The following TGFB1 variants were observed in gnomAD, a reference collection of about 807,000 sequenced individuals.
TGFB1 encodes the protein transforming growth factor beta 1.
In TGFB1, 19 loss-of-function variants were observed where a neutral mutation model predicts 43.8. The ratio of observed to expected loss-of-function variants is 0.43; its 90% confidence interval spans 0.30 to 0.64. TGFB1 has a LOEUF of 0.64. TGFB1 is among the 30% of genes least tolerant of loss of function. TGFB1 has a pLI of 0.11. For synonymous variants in TGFB1, 221 were observed against 236.3 expected (o/e 0.94, Z 0.60); for missense variants, 445 against 529.8 (o/e 0.84, Z 1.57).
intron 5 of TGFB1, among the ~76,000 whole-genome samples, chr19:41,334,424 C>CTTT (rs750640294): frequency 1.1e-4 from 13 of 116,976 alleles, no homozygotes; most frequent in African/African-American, 1.7e-4. Flanking sequence ...TTGACAATGC[C>CTTT]TTTTTTTTTT....
In TGFB1 at chr19:41,332,269, C is replaced by G; in HGVS notation, c.873G>C (p.Lys291Asn). The change falls in exon 6 of 7, where the codon AAG (lysine) becomes AAC (asparagine). Residue 291 changes from lysine to asparagine, a missense_variant. By Grantham distance (94) the Lys-to-Asn change is moderately conservative. This residue lies in a region of TGFB1 where 366 missense variants were observed against 428.8 expected (regional missense o/e 0.85). Coordinates refer to ENST00000221930, the MANE Select transcript of TGFB1 (RefSeq NM_000660.7). Reference protein sequence around the residue: ...DTNYCFSSTEKNCCVRQLYID... With the variant: ...DTNYCFSSTENNCCVRQLYID... ...TGTACAGCTGCCGCACGCAGCAGTT[C>G]TTCTCCGTGGAGCTGCAGGCAGGAG... 1 of 1,613,948 alleles carries G rather than the reference C, an allele frequency of 6.2e-7. No homozygotes were observed. Among genetic ancestry groups the G allele is most frequent in the South Asian group, 1.1e-5 (1 of 91,064 alleles).
chr19:41,339,493 A>G (rs1003400700), intron 5 of TGFB1, among the ~76,000 whole-genome samples: 6 of 151,572 alleles, frequency 4.0e-5, no homozygotes, highest in Non-Finnish European at 7.4e-5. Context: ...ATGGCTGGCT[A>G]TCTCCCTTTG....
intron 5 of TGFB1, among the ~76,000 whole-genome samples, 164 bp from the exon 6 acceptor site, chr19:41,332,445 T>C (rs551415496): frequency 6.6e-6 from 1 of 152,308 alleles, no homozygotes; most frequent in South Asian, 2.1e-4. Context: ...CAAATAGTCA[T>C]GATAATCACT....
Position 41,332,214 on chromosome 19 carries a change from A to T in TGFB1, c.928T>A (p.Trp310Arg). 6.2e-7 allele frequency: 1 copy of T among 1,613,980 alleles called. No individual in the cohort carries two copies. Among genetic ancestry groups the T allele is most frequent in the African/African-American group, 1.3e-5 (1 of 74,964 alleles). Reference sequence around the variant, plus strand: ...TGGTAGCCCTTGGGCTCGTGGATCCACTTCCAGCCGAGGTCCTTGCGGAAG... The same window carrying T: ...TGGTAGCCCTTGGGCTCGTGGATCCTCTTCCAGCCGAGGTCCTTGCGGAAG... ...IDFRKDLGWK[W>R]IHEPKGYHAN... Residue 310 changes from tryptophan to arginine, a missense_variant, in exon 6 of 7, where the codon TGG becomes AGG. By Grantham distance (101) the Trp-to-Arg change is moderately radical. This residue lies in a region of TGFB1 where 366 missense variants were observed against 428.8 expected (regional missense o/e 0.85). Transcript: ENST00000221930.
Position 41,331,218 on chromosome 19 carries a change from C to A in TGFB1, c.1015-8G>T. The A allele has an allele frequency of 6.6e-7, 1 of 1,508,234 alleles. No individual in the cohort carries two copies. Among genetic ancestry groups the A allele is most frequent in the Non-Finnish European group, 8.9e-7 (1 of 1,128,286 alleles). The allele number at this position is 1,508,234 out of a possible 1,614,324, so 93.4% of individuals were successfully genotyped here. A position where few individuals can be genotyped will look rare whatever the true frequency, so the allele number is the denominator to read the frequency against. On this transcript the variant is annotated splice_region_variant and splice_polypyrimidine_tract_variant and intron_variant, in intron 6 of 6. Coordinates refer to ENST00000221930, the MANE Select transcript of TGFB1 (RefSeq NM_000660.7). Reference sequence around the variant, plus strand: ...GTTGTACAGGGCCAGGACCTGCGGGCGGCGGGCGGGGTCAGGGCTCAGGGC... The same window carrying A: ...GTTGTACAGGGCCAGGACCTGCGGGAGGCGGGCGGGGTCAGGGCTCAGGGC...
In TGFB1 at chr19:41,331,161, C is replaced by A; in HGVS notation, c.1064G>T (p.Cys355Phe). The stretch of plus-strand genomic sequence containing the variant: ...CGGCTCCAGCGCCTGCGGCACGCAG[C>A]ACGGCGCCGCCGAGGCGCCCGGGTT... ...QHNPGASAAP[C>F]CVPQALEPLP... The change falls in exon 7 of 7, where the codon TGC becomes TTC. Residue 355 changes from cysteine (C) to phenylalanine (F), a missense_variant. By Grantham distance (205) the Cys-to-Phe change is radical (BLOSUM62 -2). Around this residue, in one of 3 missense-constraint regions of TGFB1, gnomAD observed 23 missense variants for 54.1 expected, o/e 0.42. Transcript: ENST00000221930. 6.4e-7 allele frequency: 1 copy of A among 1,559,722 alleles called. No homozygotes were observed. The highest frequency in any genetic ancestry group is 8.7e-7 in the Non-Finnish European group (1 of 1,154,618).
chr19:41,341,118 T>C (rs1225360508), intron 5 of TGFB1, among the ~76,000 whole-genome samples: 1 of 149,406 alleles, frequency 6.7e-6, no homozygotes, highest in African/African-American at 2.5e-5. Context: ...GATCACGAGG[T>C]CAGGAGATCA....
chr19:41,335,162 C>T (rs998964625), intron 5 of TGFB1, among the ~76,000 whole-genome samples: 2 of 151,766 alleles, frequency 1.3e-5, no homozygotes, highest in Non-Finnish European at 2.9e-5. Flanking sequence ...AAGCAATTCT[C>T]CTGCCTCAGC....
chr19:41,349,300 G>A (rs190309980), intron 1 of TGFB1, among the ~76,000 whole-genome samples: 4 of 152,294 alleles, frequency 2.6e-5, no homozygotes, highest in East Asian at 1.9e-4. Flanking sequence ...TAATTTAAGC[G>A]CTGTGTAACC....
At chr19:41,344,984 C>T (rs2038099920) in intron 2 of TGFB1, 120 bp from the exon 3 acceptor site, 1 of 920,492 alleles carries the variant, frequency 1.1e-6, no homozygotes, top group Admixed American at 2.0e-5. Flanking sequence ...AGTTCCCAGG[C>T]ACTACCCTCT....
At chr19:41,341,454 G>T (rs1424089744) in intron 5 of TGFB1, among the ~76,000 whole-genome samples, 7 of 101,586 alleles carry the variant, frequency 6.9e-5, no homozygotes, top group Admixed American at 1.5e-4. Flanking sequence ...GTGACAGAGC[G>T]AGACTCTGTC....
At position 41,347,827 on chromosome 19, in the gene TGFB1, C is replaced by CA. The variant is rs58257608; in HGVS notation, c.516+467dup. On this transcript the variant is annotated intron_variant, in intron 2 of 6. Transcript: ENST00000221930. ...TGGGCGACAGAGCAAGACTCCATCT[C>CA]AAAAAAAAAAAAAAAAAAAAAAGAG... Among the ~76,000 whole-genome samples the CA allele has an allele frequency of 5.7e-3, 372 of 65,658 alleles. 3 individuals carry two copies. The highest frequency in any genetic ancestry group is 0.021 in the African/African-American group (328 of 15,484). 43.1% of individuals were successfully genotyped at this position (65,658 alleles called of 152,430 possible). A position where few individuals can be genotyped will look rare whatever the true frequency, so the allele number is the denominator to read the frequency against.
Position 41,352,932 on chromosome 19 carries a change from A to G in TGFB1, c.113T>C (p.Met38Thr), listed in dbSNP as rs758523150. ...AGLSTCKTID[M>T]ELVKRKRIEA... ...GATGCGCTTCCGCTTCACCAGCTCC[A>G]TGTCGATAGTCTTGCAGGTGGATAG... The change falls in exon 1 of 7, where the codon ATG (methionine) becomes ACG (threonine). Residue 38 changes from methionine (M) to threonine (T), a missense_variant. Met to Thr is a moderately conservative substitution (Grantham distance 81). This residue lies in a region of TGFB1 where 366 missense variants were observed against 428.8 expected (regional missense o/e 0.85). Transcript: ENST00000221930. 1.1e-5 allele frequency: 17 copies of G among 1,555,446 alleles called. No homozygotes were observed. Among genetic ancestry groups the G allele is most frequent in the Admixed American group, 1.9e-5 (1 of 51,708 alleles).
chr19:41,334,710 A>G (rs1164366148), intron 5 of TGFB1, among the ~76,000 whole-genome samples: 1 of 151,856 alleles, frequency 6.6e-6, no homozygotes, highest in Non-Finnish European at 1.5e-5. Flanking sequence ...CCCAACTTCA[A>G]GTGGCACCGG....
intron 5 of TGFB1, among the ~76,000 whole-genome samples, chr19:41,337,765 T>C (rs958014187): frequency 3.0e-4 from 45 of 152,178 alleles, no homozygotes; most frequent in African/African-American, 1.1e-3. Flanking sequence ...CCAACACCTT[T>C]TCTTCCTCCT....
chr19:41,348,178 A>G (rs955378596), intron 2 of TGFB1, 117 bp downstream of exon 2: 4 of 1,174,722 alleles, frequency 3.4e-6, no homozygotes, highest in Non-Finnish European at 5.0e-6. Context: ...GTGTTCTTCT[A>G]TCCTTCAGGG....
At chr19:41,342,745 A>G (rs2038073121) in intron 3 of TGFB1, among the ~76,000 whole-genome samples, 1 of 152,000 alleles carries the variant, frequency 6.6e-6, no homozygotes, top group African/African-American at 2.4e-5. Flanking sequence ...CAAACTCCTG[A>G]CCTCAGGTGA....
intron 5 of TGFB1, among the ~76,000 whole-genome samples, chr19:41,336,677 A>G (rs1486328235): frequency 1.3e-5 from 2 of 152,126 alleles, no homozygotes; most frequent in Non-Finnish European, 2.9e-5. Context: ...GCTGTGAGCC[A>G]CTGCAGCCAG....
intron 5 of TGFB1, 27 bp from the exon 6 acceptor site, chr19:41,332,308 G>A (rs1281297078): frequency 1.9e-6 from 3 of 1,606,444 alleles, no homozygotes; most frequent in East Asian, 2.2e-5. Flanking sequence ...CGCGTCAGGG[G>A]CAGGGAGGGG....
Sources: gnomAD v4.1 joint callset for allele counts (sites outside exome capture counted in the v4.1 genomes callset) on GRCh38, gnomAD v4.1.1 for gene constraint, gnomAD v4.1.1 regional missense constraint, MANE v1.5 for transcripts, NCBI Gene and HGNC (gene_info 2026-07-23, HGNC 2026-07-21) for gene names.